CADM2: variants seen among roughly 807,000 people sequenced by gnomAD.
CADM2 encodes the protein immunoglobulin superfamily member 4D.
In CADM2, 12 loss-of-function variants were observed where a neutral mutation model predicts 49.8. The ratio of observed to expected loss-of-function variants is 0.24; its 90% confidence interval spans 0.15 to 0.39. CADM2 has a LOEUF of 0.39. Ranked by LOEUF, CADM2 falls within the 10% of genes least tolerant of loss-of-function variation. The pLI, the probability that CADM2 is intolerant of heterozygous loss-of-function variation, is 1.00. For missense variants in CADM2, 378 were observed against 492.3 expected, an observed-to-expected ratio of 0.77 and a Z score of 2.20; for synonymous variants, 214 against 175.4, an observed-to-expected ratio of 1.22 and a Z score of -1.74.
intron 8 of CADM2, among the ~76,000 whole-genome samples, chr3:86,038,680 C>T (rs943744120): frequency 1.3e-5 from 2 of 152,154 alleles, no homozygotes; most frequent in Non-Finnish European, 2.9e-5. Flanking sequence ...GAAAGTAGAA[C>T]AAGATGGGTG....
chr3:85,933,712 G>A (rs946962070), intron 6 of CADM2, among the ~76,000 whole-genome samples: 10 of 152,178 alleles, frequency 6.6e-5, no homozygotes, highest in East Asian at 1.9e-4. Context: ...GCCTGAGAAC[G>A]AAGAGAATTG....
chr3:85,041,709 T>G (rs1361135312), intron 1 of CADM2, among the ~76,000 whole-genome samples: 112 of 152,294 alleles, frequency 7.4e-4, no homozygotes, highest in Non-Finnish European at 1.5e-5. Flanking sequence ...CAGAGCCTTG[T>G]GTGGTTTTAT....
At chr3:85,006,616 G>T (rs1485674649) in intron 1 of CADM2, among the ~76,000 whole-genome samples, 1 of 152,086 alleles carries the variant, frequency 6.6e-6, no homozygotes, top group East Asian at 1.9e-4. Flanking sequence ...ATGCATGCCT[G>T]GTTTGATTAT....
At chr3:85,434,829 C>T (rs912707985) in intron 1 of CADM2, among the ~76,000 whole-genome samples, 1 of 152,122 alleles carries the variant, frequency 6.6e-6, no homozygotes, top group Non-Finnish European at 1.5e-5. Context: ...TAATGTGACC[C>T]GTTTAAAAGC....
In CADM2 at chr3:85,568,453, T is replaced by TTCTCTTTCTC. The variant is rs1559915924; in HGVS notation, c.62-158066_62-158065insCTTTCTCTCT. Among the ~76,000 whole-genome samples the TTCTCTTTCTC allele has an allele frequency of 6.5e-4, 18 of 27,576 alleles. 1 individual carries two copies. The highest frequency in any genetic ancestry group is 1.5e-3 in the African/African-American group (16 of 10,972). 18.1% of individuals were successfully genotyped at this position (27,576 alleles called of 152,430 possible). A position where few individuals can be genotyped will look rare whatever the true frequency, so the allele number is the denominator to read the frequency against. On this transcript the variant is annotated intron_variant, in intron 1 of 9. Transcript: ENST00000383699. ...TTTCTTTCTTTCTTTCTTTCTTTCT[T>TTCTCTTTCTC]TCTTTCTTTCTCTTTCTCTCTCTTT... is the stretch of plus-strand genomic sequence containing the variant.
chr3:85,281,462 A>G (rs975819695), intron 1 of CADM2, among the ~76,000 whole-genome samples: 1 of 151,990 alleles, frequency 6.6e-6, no homozygotes, highest in Non-Finnish European at 1.5e-5. Context: ...TATTATTTCA[A>G]TTTTTTTAAC....
chr3:85,797,852 T>C (rs183591521), intron 2 of CADM2, among the ~76,000 whole-genome samples: 96 of 152,316 alleles, frequency 6.3e-4, no homozygotes, highest in African/African-American at 2.3e-3. Context: ...TCCACAATGG[T>C]TGAGCTAATT....
At chr3:85,629,222 C>A (rs945435144) in intron 1 of CADM2, among the ~76,000 whole-genome samples, 1 of 151,660 alleles carries the variant, frequency 6.6e-6, no homozygotes, top group Non-Finnish European at 1.5e-5. Flanking sequence ...TATTACAAAG[C>A]ATACGAAAAT....
At position 85,568,397 on chromosome 3, in the gene CADM2, C is replaced by CTCTTTTCTTTCTTTCTT. The variant is rs1553743549; in HGVS notation, c.62-158120_62-158119insTCTTTCTTTCTTTCTTT. Among the ~76,000 whole-genome samples the CTCTTTTCTTTCTTTCTT allele has an allele frequency of 1.8e-3, 96 of 52,092 alleles. 6 individuals are homozygous for CTCTTTTCTTTCTTTCTT. Among genetic ancestry groups the CTCTTTTCTTTCTTTCTT allele is most frequent in the African/African-American group, 3.7e-3 (86 of 23,332 alleles). The allele number at this position is 52,092 out of a possible 152,430, so 34.2% of individuals were successfully genotyped here. A position where few individuals can be genotyped will look rare whatever the true frequency, so the allele number is the denominator to read the frequency against. ...GTTACCTACAATCTTTCCTTCCTCC[C>CTCTTTTCTTTCTTTCTT]TCTTTCTTTCTTTCTTTCTTTCTTT... On this transcript the variant is annotated intron_variant, in intron 1 of 9. Transcript: ENST00000383699.
chr3:85,671,717 GA>G (rs1157321589), intron 1 of CADM2, among the ~76,000 whole-genome samples: 2 of 152,024 alleles, frequency 1.3e-5, no homozygotes, highest in Non-Finnish European at 2.9e-5. Context: ...TCTATGCCTG[GA>G]AAATCTCCCC....
At chr3:85,734,969 A>AAT (rs1175776368) in intron 2 of CADM2, among the ~76,000 whole-genome samples, 2 of 126,200 alleles carry the variant, frequency 1.6e-5, no homozygotes, top group Non-Finnish European at 3.3e-5. Context: ...AGCAACTAGA[A>AAT]ATATATATAT....
intron 8 of CADM2, among the ~76,000 whole-genome samples, chr3:86,002,946 G>C (rs990212590): frequency 1.3e-5 from 2 of 152,046 alleles, no homozygotes; most frequent in African/African-American, 4.8e-5. Flanking sequence ...AAAACAATAG[G>C]CTTAAAGCAA....
At chr3:85,487,876 A>G (rs377686292) in intron 1 of CADM2, among the ~76,000 whole-genome samples, 1 of 152,036 alleles carries the variant, frequency 6.6e-6, no homozygotes, top group Non-Finnish European at 1.5e-5. Context: ...TTTCTAAGAT[A>G]CAATTTTCCC....
In CADM2 at chr3:85,039,266, G is replaced by T. The variant is rs554740309; in HGVS notation, c.61+79598G>T. Among the ~76,000 whole-genome samples the T allele has an allele frequency of 6.6e-5, 10 of 152,190 alleles. No individual in the cohort carries two copies. The East Asian group carries it at 1.5e-3, about 24-fold the overall frequency. ...TCCACCCACCTCGGCCTCCCAAAGT[G>T]CTGAGCCCCAACCATACCTGGCTGT... On this transcript the variant is annotated intron_variant, in intron 1 of 9. Coordinates refer to ENST00000383699, the MANE Select transcript of CADM2 (RefSeq NM_001167675.2).
At chr3:85,013,751 C>T (rs547858415) in intron 1 of CADM2, among the ~76,000 whole-genome samples, 34 of 149,010 alleles carry the variant, frequency 2.3e-4, no homozygotes, top group African/African-American at 7.8e-4. Context: ...TCATGGTCAA[C>T]TACGGTCCAA....
intron 1 of CADM2, among the ~76,000 whole-genome samples, chr3:85,453,264 T>TAAATTGGATTTTATTATAATAAATA (rs2037834825): frequency 6.6e-6 from 1 of 152,124 alleles, no homozygotes; most frequent in African/African-American, 2.4e-5. Flanking sequence ...AAATGCATAG[T>TAAATTGGATTTTATTATAATAAATA]ATAATAAAGT....
At position 85,949,861 on chromosome 3, in the gene CADM2, C is replaced by T. The variant is rs1723233222; in HGVS notation, c.792-11608C>T. Among the ~76,000 whole-genome samples, 8 of 150,646 alleles carry T rather than the reference C, an allele frequency of 5.3e-5. No homozygotes were observed. The Admixed American group carries it at 5.3e-4, about 10-fold the overall frequency. ...AAGGAAGTAATGGGTTGTAAAATTA[C>T]TCTTGTATAAAAAATAGGACCTCAT... is the stretch of plus-strand genomic sequence containing the variant. On this transcript the variant is annotated intron_variant, in intron 7 of 9. Coordinates refer to ENST00000383699, the MANE Select transcript of CADM2 (RefSeq NM_001167675.2).
At chr3:85,618,946 C>A (rs952359945) in intron 1 of CADM2, among the ~76,000 whole-genome samples, 5 of 151,664 alleles carry the variant, frequency 3.3e-5, no homozygotes, top group African/African-American at 4.8e-5. Context: ...GAGGCTGAGG[C>A]AGGAGAATCG....
intron 1 of CADM2, among the ~76,000 whole-genome samples, chr3:85,559,343 TAAAC>T (rs1470304758): frequency 6.6e-6 from 1 of 152,102 alleles, no homozygotes; most frequent in Non-Finnish European, 1.5e-5. Context: ...TAAACTTTGA[TAAAC>T]AGATTGGTGA....
Sources: gnomAD v4.1 joint callset for allele counts (sites outside exome capture counted in the v4.1 genomes callset) on GRCh38, gnomAD v4.1.1 for gene constraint, MANE v1.5 for transcripts, NCBI Gene and HGNC (gene_info 2026-07-23, HGNC 2026-07-21) for gene names.